ZSWIM4: variants seen among roughly 807,000 people sequenced by gnomAD.
ZSWIM4 encodes the protein zinc finger SWIM-type containing 4, also known as zinc finger SWIM domain-containing protein 4.
In ZSWIM4, 62 loss-of-function variants were observed where a neutral mutation model predicts 102.5. The observed-to-expected ratio is 0.60, with a 90% CI of 0.49 to 0.75. The LOEUF (loss-of-function observed/expected upper bound fraction) is 0.75. Among genes scored for constraint, ZSWIM4 ranks in the 30% least tolerant of loss-of-function variants. The probability of loss-of-function intolerance (pLI) is 0.00; values close to 1 mark genes in which losing one functional copy is unlikely to be tolerated. For synonymous variants in ZSWIM4, 652 were observed against 674.5 expected (o/e 0.97, Z 0.52); for missense variants, 1,280 against 1,529.6 (o/e 0.84, Z 2.72).
At chr19:13,811,598 G>C (rs1274467885) in intron 5 of ZSWIM4, among the ~76,000 whole-genome samples, 1 of 152,172 alleles carries the variant, frequency 6.6e-6, no homozygotes, top group Non-Finnish European at 1.5e-5. Flanking sequence ...GGAAGGCTGA[G>C]TGAGGCAGGA....
chr19:13,797,478 C>T (rs1416505617), intron 1 of ZSWIM4, among the ~76,000 whole-genome samples: 1 of 152,172 alleles, frequency 6.6e-6, no homozygotes, highest in African/African-American at 2.4e-5. Flanking sequence ...TCAGATTCTC[C>T]CAGCTATAAA....
At chr19:13,819,857 T>A (rs559573286) in intron 10 of ZSWIM4, among the ~76,000 whole-genome samples, 1 of 149,926 alleles carries the variant, frequency 6.7e-6, no homozygotes, top group Non-Finnish European at 1.5e-5. Flanking sequence ...GTTTTTTTTT[T>A]TTTTGAGACG....
At chr19:13,805,738 G>A (rs1393926226) in intron 3 of ZSWIM4, among the ~76,000 whole-genome samples, 3 of 151,818 alleles carry the variant, frequency 2.0e-5, no homozygotes, top group African/African-American at 7.3e-5. Flanking sequence ...TTGGGAGGCC[G>A]AGGTGGGCGG....
In ZSWIM4 at chr19:13,818,895, G is replaced by A. The variant is rs569579192; in HGVS notation, c.1925-462G>A. 1.1e-3 allele frequency among the ~76,000 whole-genome samples: 134 copies of A among 120,916 alleles called. 2 individuals carry two copies. Among genetic ancestry groups the A allele is most frequent in the African/African-American group, 4.1e-3 (124 of 30,460 alleles). The allele number at this position is 120,916 out of a possible 152,430, so 79.3% of individuals were successfully genotyped here. A position where few individuals can be genotyped will look rare whatever the true frequency, so the allele number is the denominator to read the frequency against. On this transcript the variant is annotated intron_variant, in intron 9 of 13. Coordinates refer to ENST00000590508, the MANE Select transcript of ZSWIM4 (RefSeq NM_001367834.3). Reference sequence around the variant, plus strand: ...TTTTTTTTTTTTGAGACGGAGTCTCGCTCTGTCTCCCAGGTTGGAGTGCAG... The same window carrying A: ...TTTTTTTTTTTTGAGACGGAGTCTCACTCTGTCTCCCAGGTTGGAGTGCAG...
Position 13,812,932 on chromosome 19 carries a change from A to C in ZSWIM4, c.1013-65A>C, listed in dbSNP as rs189506164. On this transcript the variant is annotated intron_variant, in intron 5 of 13. Transcript: ENST00000590508. Reference sequence around the variant, plus strand: ...GATCATCAGGTGGCACACAGTGGGCACTGCGGAAGTGTGTGTTGCTGCCAC... The same window carrying C: ...GATCATCAGGTGGCACACAGTGGGCCCTGCGGAAGTGTGTGTTGCTGCCAC... 1,030 of 1,505,756 alleles carry C rather than the reference A, an allele frequency of 6.8e-4. 3 individuals are homozygous for C. The African/African-American group carries it at 0.012, about 18-fold the overall frequency. 93.3% of individuals were successfully genotyped at this position (1,505,756 alleles called of 1,614,324 possible).
intron 9 of ZSWIM4, among the ~76,000 whole-genome samples, chr19:13,818,588 A>G (rs1975368861): frequency 6.6e-6 from 1 of 151,946 alleles, no homozygotes; most frequent in South Asian, 2.1e-4. Context: ...ATTTTGCGAC[A>G]GTCTTCACTC....
At chr19:13,827,195 G>A (rs1975632835) in intron 12 of ZSWIM4, among the ~76,000 whole-genome samples, 1 of 152,134 alleles carries the variant, frequency 6.6e-6, no homozygotes, top group Non-Finnish European at 1.5e-5. Context: ...GCTGAGGCGA[G>A]AGGATCGCTT....
chr19:13,799,820 TG>T lies in ZSWIM4; in HGVS notation c.257del (p.Gly86ValfsTer37). The T allele has an allele frequency of 2.5e-6, 4 of 1,614,004 alleles. No homozygotes were observed. Among genetic ancestry groups the T allele is most frequent in the Non-Finnish European group, 3.4e-6 (4 of 1,180,006 alleles). On this transcript the variant is annotated frameshift_variant, in exon 2 of 14. Transcript: ENST00000590508. LOFTEE classifies it high-confidence loss of function. ...CGGGAAATATGTATGTACTCGTCGC[TG>T]GGTTACCCGCCCCCAGAGGGCGAGC... is the stretch of plus-strand genomic sequence containing the variant. Reference protein sequence around the residue: ...SEREICMYSSLGYPPPEGEHD... With the variant: ...SEREICMYSSXGYPPPEGEHD...
chr19:13,810,527 G>A (rs1165918822), intron 5 of ZSWIM4, among the ~76,000 whole-genome samples: 5 of 151,846 alleles, frequency 3.3e-5, no homozygotes, highest in African/African-American at 7.3e-5. Context: ...TCCTGTCTTC[G>A]TGATCCACCC....
At chr19:13,828,764 G>C (rs1191969498) in intron 13 of ZSWIM4, 38 bp downstream of exon 13, 1 of 1,595,398 alleles carries the variant, frequency 6.3e-7, no homozygotes, top group Admixed American at 1.7e-5. Context: ...CCACTTCGCT[G>C]TTCTGGTTCT....
intron 9 of ZSWIM4, 55 bp from the exon 10 acceptor site, chr19:13,819,302 G>A: frequency 6.2e-7 from 1 of 1,604,352 alleles, no homozygotes; most frequent in Non-Finnish European, 8.5e-7. Context: ...GTGAGACCTG[G>A]GGAAGGGCAG....
At chr19:13,830,136 T>A (rs976787263) in intron 13 of ZSWIM4, 55 bp from the exon 14 acceptor site, 3 of 1,569,296 alleles carry the variant, frequency 1.9e-6, no homozygotes, top group Non-Finnish European at 2.6e-6. Flanking sequence ...CACGCATACA[T>A]GTACGTGTGT....
intron 5 of ZSWIM4, among the ~76,000 whole-genome samples, chr19:13,810,118 C>T (rs200739409): frequency 6.6e-6 from 1 of 151,902 alleles, no homozygotes; most frequent in East Asian, 1.9e-4. Flanking sequence ...CCTCAGCCTC[C>T]CTAGTAGCTG....
In ZSWIM4 at chr19:13,830,274, G is replaced by C. The variant is rs1008597625; in HGVS notation, c.2545G>C (p.Gly849Arg). The C allele has an allele frequency of 6.2e-7, 1 of 1,613,796 alleles. No homozygotes were observed. The highest frequency in any genetic ancestry group is 8.5e-7 in the Non-Finnish European group (1 of 1,180,026). The change falls in exon 14 of 14, where the codon GGC (glycine) becomes CGC (arginine). Residue 849 changes from glycine (G) to arginine (R), a missense_variant. Gly to Arg is a moderately radical substitution (Grantham distance 125). Transcript: ENST00000590508. Reference protein sequence around the residue: ...VEAATIVAVTGTTHATLLRLQ... With the variant: ...VEAATIVAVTRTTHATLLRLQ... The stretch of plus-strand genomic sequence containing the variant: ...GGCGGCTACCATCGTGGCAGTGACG[G>C]GCACCACACACGCCACTCTGCTGCG...
intron 10 of ZSWIM4, among the ~76,000 whole-genome samples, chr19:13,822,334 A>G (rs1458400186): frequency 6.6e-6 from 1 of 152,320 alleles, no homozygotes; most frequent in Admixed American, 6.5e-5. Context: ...AATTTGGCCA[A>G]CCACCTGTTT....
chr19:13,796,062 CCTT>C (rs1428857056), intron 1 of ZSWIM4, among the ~76,000 whole-genome samples: 1 of 151,296 alleles, frequency 6.6e-6, no homozygotes, highest in African/African-American at 2.4e-5. Flanking sequence ...CAGGACACTT[CCTT>C]CTTCTCCTAC....
At chr19:13,806,944 G>A (rs1322004303) in intron 3 of ZSWIM4, among the ~76,000 whole-genome samples, 1 of 152,042 alleles carries the variant, frequency 6.6e-6, no homozygotes, top group East Asian at 1.9e-4. Flanking sequence ...ATGGGGTAGT[G>A]GGTGTTTTGA....
rs140246933 is a variant in ZSWIM4 at position 13,808,733 on chromosome 19, C to T, written c.713-103C>T. The T allele has an allele frequency of 2.7e-5, 34 of 1,238,270 alleles. No individual in the cohort carries two copies. The East Asian group carries it at 4.4e-4, about 16-fold the overall frequency. The allele number at this position is 1,238,270 out of a possible 1,614,324, so 76.7% of individuals were successfully genotyped here. ...CAGCCTGGGCAAGAAGAGCCAAACT[C>T]CGTCTCCAAAAAAAAAAAAAAAAAA... On this transcript the variant is annotated intron_variant, in intron 3 of 13. Coordinates refer to ENST00000590508, the MANE Select transcript of ZSWIM4 (RefSeq NM_001367834.3).
At chr19:13,821,804 C>T (rs935807412) in intron 10 of ZSWIM4, among the ~76,000 whole-genome samples, 1 of 151,968 alleles carries the variant, frequency 6.6e-6, no homozygotes, top group African/African-American at 2.4e-5. Flanking sequence ...CTGCAAGCTC[C>T]GCTCACTGCA....
Sources: allele counts gnomAD v4.1 joint callset (sites outside exome capture counted in the v4.1 genomes callset), GRCh38; gene constraint gnomAD v4.1.1; transcripts MANE v1.5; gene names NCBI Gene and HGNC (gene_info 2026-07-23, HGNC 2026-07-21).